TCF4: variants seen among roughly 807,000 people sequenced by gnomAD.
TCF4 encodes SL3-3 enhancer factor 2.
In TCF4, 3 loss-of-function variants were observed where a neutral mutation model predicts 82.1. The observed-to-expected ratio is 0.04, with a 90% CI of 0.02 to 0.09. TCF4 has a LOEUF of 0.09. TCF4 is among the 10% of genes least tolerant of loss of function. TCF4 has a pLI of 1.00. For missense variants in TCF4, 518 were observed against 852.7 expected (o/e 0.61, Z 4.89); for synonymous variants, 276 against 309.6 (o/e 0.89, Z 1.14).
intron 2 of TCF4, among the ~76,000 whole-genome samples, chr18:55,625,921 A>C (rs1412136585): frequency 1.3e-5 from 2 of 152,230 alleles, no homozygotes; most frequent in Non-Finnish European, 2.9e-5. Context: ...GATTCAGGCA[A>C]GTGGACTGGC....
chr18:55,249,384 T>C lies in TCF4; in HGVS notation c.1350+5113A>G, dbSNP rs181923880. On this transcript the variant is annotated intron_variant, in intron 15 of 19. Transcript: ENST00000354452. ...AAACTGGGCAAAGATCCACTTTTAT[T>C]GGTGATTTCTGAAATGGGTTCCACA... 3.8e-3 allele frequency among the ~76,000 whole-genome samples: 583 copies of C among 152,304 alleles called. 2 individuals carry two copies. Among genetic ancestry groups the C allele is most frequent in the Admixed American group, 7.7e-3 (118 of 15,292 alleles).
At chr18:55,330,273 C>T (rs1190525980) in intron 8 of TCF4, among the ~76,000 whole-genome samples, 2 of 150,096 alleles carry the variant, frequency 1.3e-5, no homozygotes, top group Admixed American at 6.7e-5. Flanking sequence ...CTCTACCTCC[C>T]GGGTTCAAGC....
intron 2 of TCF4, among the ~76,000 whole-genome samples, chr18:55,596,982 T>A (rs2097691594): frequency 6.6e-6 from 1 of 152,204 alleles, no homozygotes; most frequent in East Asian, 1.9e-4. Flanking sequence ...CTCCCCTTGC[T>A]GTTCTCATAA....
chr18:55,454,817 T>C (rs1164491052), intron 5 of TCF4, among the ~76,000 whole-genome samples: 1 of 152,120 alleles, frequency 6.6e-6, no homozygotes, highest in Non-Finnish European at 1.5e-5. Context: ...TAAAGAGCTG[T>C]TCCTCCCTCA....
At chr18:55,382,241 T>A (rs1019221683) in intron 6 of TCF4, among the ~76,000 whole-genome samples, 1 of 152,070 alleles carries the variant, frequency 6.6e-6, no homozygotes, top group African/African-American at 2.4e-5. Context: ...CTAAAGCAAT[T>A]TGAATCTTTC....
At chr18:55,507,457 A>T (rs542933325) in intron 3 of TCF4, among the ~76,000 whole-genome samples, 27 of 152,116 alleles carry the variant, frequency 1.8e-4, no homozygotes, top group African/African-American at 5.5e-4. Context: ...GCAATTTAGA[A>T]CTTAGGAGTT....
rs1153639 is a variant in TCF4 at position 55,312,412 on chromosome 18, C to T, written c.550-32756G>A. ...TAGCCATGATCTATTTGTCCTTTCT[C>T]ATCTGTTTTTCCTTTTTCGTCATCT... On this transcript the variant is annotated intron_variant, in intron 8 of 19. Transcript: ENST00000354452. 1.7e-3 allele frequency among the ~76,000 whole-genome samples: 263 copies of T among 152,280 alleles called. 2 individuals carry two copies. Among genetic ancestry groups the T allele is most frequent in the African/African-American group, 6.1e-3 (254 of 41,568 alleles).
At chr18:55,570,052 G>C (rs1308043637) in intron 3 of TCF4, among the ~76,000 whole-genome samples, 1 of 152,064 alleles carries the variant, frequency 6.6e-6, no homozygotes, top group Non-Finnish European at 1.5e-5. Flanking sequence ...CCGAGGCAAG[G>C]TAGCCAAACT....
chr18:55,488,124 T>C (rs1273729304), intron 3 of TCF4, among the ~76,000 whole-genome samples: 1 of 152,238 alleles, frequency 6.6e-6, no homozygotes, highest in African/African-American at 2.4e-5. Context: ...TATTTATACT[T>C]ATAACAGAAA....
In TCF4 at chr18:55,226,065, A is replaced by G. The variant is rs1273268556; in HGVS notation, c.*1970T>C. On this transcript the variant is annotated 3_prime_UTR_variant, in exon 20 of 20. Transcript: ENST00000354452. Reference sequence around the variant, plus strand: ...CTGATACAATGTATTAAAACACATAATAACAAGAGTCTACATGTAAAAATA... The same window carrying G: ...CTGATACAATGTATTAAAACACATAGTAACAAGAGTCTACATGTAAAAATA... 6.6e-6 allele frequency: 1 copy of G among 152,592 alleles called. No homozygotes were observed. Among genetic ancestry groups the G allele is most frequent in the African/African-American group, 2.4e-5 (1 of 41,450 alleles). 9.5% of individuals were successfully genotyped at this position (152,592 alleles called of 1,614,324 possible).
chr18:55,583,057 G>A (rs1603624522), intron 3 of TCF4, among the ~76,000 whole-genome samples: 2 of 152,164 alleles, frequency 1.3e-5, no homozygotes, highest in East Asian at 3.9e-4. Flanking sequence ...CTTGATAGAG[G>A]AAAACTGAAC....
In TCF4 at chr18:55,269,839, C is replaced by G; in HGVS notation, c.914G>C (p.Ser305Thr). The G allele has an allele frequency of 6.2e-7, 1 of 1,613,108 alleles. No individual in the cohort carries two copies. Residue 305 changes from serine (S) to threonine (T), a missense_variant, in exon 11 of 20, where the codon AGT (serine) becomes ACT (threonine). By Grantham distance (58) the Ser-to-Thr change is moderately conservative. Around this residue, in one of 7 missense-constraint regions of TCF4, gnomAD observed 211 missense variants for 327.4 expected, o/e 0.64. Coordinates refer to ENST00000354452, the MANE Select transcript of TCF4 (RefSeq NM_001083962.2). ...SCTPPANGTD[S>T]IMANRGSGAA... Reference sequence around the variant, plus strand: ...GCATTTCTGTGACTCACCCATTATACTGTCTGTCCCGTTGGCAGGAGGCGT... The same window carrying G: ...GCATTTCTGTGACTCACCCATTATAGTGTCTGTCCCGTTGGCAGGAGGCGT...
At chr18:55,635,668 T>C in intron 1 of TCF4, 2 of 1,532,074 alleles carry the variant, frequency 1.3e-6, no homozygotes, top group Non-Finnish European at 1.8e-6. Flanking sequence ...CAGTTTCTAC[T>C]AAGATGCTAA....
At chr18:55,253,089 C>T (rs2055730541) in intron 15 of TCF4, among the ~76,000 whole-genome samples, 1 of 152,118 alleles carries the variant, frequency 6.6e-6, no homozygotes, top group Non-Finnish European at 1.5e-5. Flanking sequence ...AATATCTTTC[C>T]ACATTTTAGA....
chr18:55,605,412 A>G (rs1195191513), intron 2 of TCF4, among the ~76,000 whole-genome samples: 1 of 152,128 alleles, frequency 6.6e-6, no homozygotes, highest in Non-Finnish European at 1.5e-5. Flanking sequence ...AAATGGTGAC[A>G]TTGTGTGGTG....
chr18:55,618,121 T>A (rs2097714019), intron 2 of TCF4, among the ~76,000 whole-genome samples: 1 of 152,160 alleles, frequency 6.6e-6, no homozygotes, highest in African/African-American at 2.4e-5. Context: ...GGCAAATTCC[T>A]TCTATACTTA....
chr18:55,380,261 T>C (rs1418097320), intron 6 of TCF4, among the ~76,000 whole-genome samples: 2 of 152,026 alleles, frequency 1.3e-5, no homozygotes, highest in African/African-American at 4.8e-5. Context: ...TCTCTTCCTT[T>C]ACTTTTCTTT....
At position 55,422,419 on chromosome 18, in the gene TCF4, G is replaced by T. The variant is rs2958170; in HGVS notation, c.305-18901C>A. On this transcript the variant is annotated intron_variant, in intron 5 of 19. Transcript: ENST00000354452. ...AGGGAAAAGGTGGAGGGTTTGGGGG[G>T]TTTTTTTTAATATTAAAAAAAAAGT... 0.023 allele frequency: 22,714 copies of T among 983,084 alleles called. 2,741 individuals are homozygous for T. In the African/African-American group the frequency reaches 0.3, roughly 13 times the overall value. The allele number at this position is 983,084 out of a possible 1,614,324, so 60.9% of individuals were successfully genotyped here.
At chr18:55,446,613 A>G (rs1465715569) in intron 5 of TCF4, among the ~76,000 whole-genome samples, 2 of 152,170 alleles carry the variant, frequency 1.3e-5, no homozygotes, top group Non-Finnish European at 2.9e-5. Context: ...TGTCTAACAA[A>G]GAAGTTTATT....
Sources: gnomAD v4.1 joint callset for allele counts (sites outside exome capture counted in the v4.1 genomes callset) on GRCh38, gnomAD v4.1.1 for gene constraint, gnomAD v4.1.1 regional missense constraint, MANE v1.5 for transcripts, NCBI Gene and HGNC (gene_info 2026-07-23, HGNC 2026-07-21) for gene names.